Variants in CMYA5 observed in about 807,000 individuals in gnomAD.
The protein encoded by CMYA5 is cardiomyopathy associated 5.
In CMYA5, 246 loss-of-function variants were observed where a neutral mutation model predicts 318.9. The observed-to-expected ratio is 0.77, with a 90% CI of 0.70 to 0.86. CMYA5 has a LOEUF of 0.86. CMYA5 is among the 40% of genes least tolerant of loss of function. The pLI is 0.00. For synonymous variants in CMYA5, 1,641 were observed against 1,729.5 expected (o/e 0.95, Z 1.27); for missense variants, 4,589 against 4,678.2 (o/e 0.98, Z 0.56).
intron 5 of CMYA5, among the ~76,000 whole-genome samples, chr5:79,750,279 A>T (rs1828405859): frequency 6.6e-6 from 1 of 152,162 alleles, no homozygotes; most frequent in African/African-American, 2.4e-5. Flanking sequence ...CAGTACTGTA[A>T]GTGTATTTTC....
In CMYA5 at chr5:79,799,859, CTTT is replaced by C; in HGVS notation, c.*244_*246del. The C allele has an allele frequency of 1.6e-5, 3 of 191,150 alleles. No individual in the cohort carries two copies. The highest frequency in any genetic ancestry group is 2.8e-5 in the Non-Finnish European group (3 of 105,600). 11.8% of individuals were successfully genotyped at this position (191,150 alleles called of 1,614,324 possible). ...TCTTTAGTTTATATAAGTTTGAGTT[CTTT>C]CCTAAATTAAAAGATCTACACTTGA... On this transcript the variant is annotated 3_prime_UTR_variant, in exon 13 of 13. Coordinates refer to ENST00000446378, the MANE Select transcript of CMYA5 (RefSeq NM_153610.5).
Position 79,733,432 on chromosome 5 carries a change from A to T in CMYA5, c.4667A>T (p.His1556Leu). ...SSQNVSPASK[H>L]IIPKGKDEET... The stretch of plus-strand genomic sequence containing the variant: ...CAAAATGTGTCACCTGCATCCAAAC[A>T]TATAATCCCAAAAGGCAAAGATGAG... Residue 1556 changes from histidine to leucine, a missense_variant, in exon 2 of 13, where the codon CAT (histidine) becomes CTT (leucine). Physicochemically the swap from His to Leu is moderately conservative, Grantham distance 99 (BLOSUM62 -3). Around this residue, in one of 3 missense-constraint regions of CMYA5, gnomAD observed 2,132 missense variants for 2,131.3 expected, o/e 1.00. Transcript: ENST00000446378. 6.2e-7 allele frequency: 1 copy of T among 1,613,878 alleles called. No homozygotes were observed. Among genetic ancestry groups the T allele is most frequent in the Non-Finnish European group, 8.5e-7 (1 of 1,179,840 alleles).
chr5:79,707,412 A>G (rs1827295125), intron 1 of CMYA5, among the ~76,000 whole-genome samples: 1 of 152,240 alleles, frequency 6.6e-6, no homozygotes, highest in African/African-American at 2.4e-5. Flanking sequence ...ATGATGATGA[A>G]TCAATGAATT....
chr5:79,721,813 G>T (rs958076191), intron 1 of CMYA5, among the ~76,000 whole-genome samples: 10 of 152,038 alleles, frequency 6.6e-5, no homozygotes, highest in African/African-American at 1.9e-4. Flanking sequence ...TATTAACATA[G>T]ATTCAAAATG....
At chr5:79,773,082 T>A (rs1194595665) in intron 9 of CMYA5, among the ~76,000 whole-genome samples, 1 of 152,212 alleles carries the variant, frequency 6.6e-6, no homozygotes, top group East Asian at 1.9e-4. Context: ...AGTTACTTGG[T>A]CTCTGAGAAA....
rs758083273 is a variant in CMYA5, at chr5:79,737,328, A to G, written c.8563A>G (p.Lys2855Glu). The stretch of plus-strand genomic sequence containing the variant: ...TACAGTTCATACTATTCAGACATCT[A>G]AAGATGACACATCCGATGTGCCTAA... ...RHTVHTIQTS[K>E]DDTSDVPKQS... is the part of the protein sequence containing the mutation. The change falls in exon 2 of 13, where the codon AAA (lysine) becomes GAA (glutamate). Residue 2855 changes from lysine (K) to glutamate (E), a missense_variant. Physicochemically the swap from Lys to Glu is moderately conservative, Grantham distance 56 (BLOSUM62 1). Transcript: ENST00000446378. 6.2e-7 allele frequency: 1 copy of G among 1,613,836 alleles called. No homozygotes were observed. Among genetic ancestry groups the G allele is most frequent in the Admixed American group, 1.7e-5 (1 of 60,006 alleles).
At chr5:79,788,466 ATTT>A (rs3061542) in intron 9 of CMYA5, among the ~76,000 whole-genome samples, 147 of 139,632 alleles carry the variant, frequency 1.1e-3, no homozygotes, top group African/African-American at 2.0e-3. Flanking sequence ...AACTTTGAGA[ATTT>A]TTTTTTTTTT....
chr5:79,786,192 A>T (rs1829078840), intron 9 of CMYA5, among the ~76,000 whole-genome samples: 1 of 152,092 alleles, frequency 6.6e-6, no homozygotes, highest in Non-Finnish European at 1.5e-5. Context: ...GCTCCACTGG[A>T]GCTTATCATC....
At position 79,730,742 on chromosome 5, in the gene CMYA5, GAAGAC is replaced by G; in HGVS notation, c.1978_1982del (p.Lys660PhefsTer38). The G allele has an allele frequency of 6.2e-7, 1 of 1,613,280 alleles. No individual in the cohort carries two copies. ...GCTCTCTCTCACCATCCACAACTGA[GAAGAC>G]TTCAGAGAACCAGTCTCCACTGTTT... On this transcript the variant is annotated frameshift_variant, in exon 2 of 13. Coordinates refer to ENST00000446378, the MANE Select transcript of CMYA5 (RefSeq NM_153610.5). LOFTEE classifies it high-confidence loss of function.
intron 4 of CMYA5, 137 bp from the exon 5 acceptor site, chr5:79,746,954 G>A (rs1445211771): frequency 1.7e-6 from 1 of 600,766 alleles, no homozygotes; most frequent in Non-Finnish European, 2.9e-6. Flanking sequence ...GGGAAGCTGA[G>A]GGGTTATGAT....
chr5:79,712,541 A>G (rs1181036830), intron 1 of CMYA5, among the ~76,000 whole-genome samples: 1 of 152,044 alleles, frequency 6.6e-6, no homozygotes, highest in Non-Finnish European at 1.5e-5. Flanking sequence ...AAAATGACAG[A>G]GAAAAAAAAA....
chr5:79,772,116 T>C lies in CMYA5; in HGVS notation c.11555+8907T>C, dbSNP rs1828867530. Among the ~76,000 whole-genome samples the C allele has an allele frequency of 5.4e-5, 8 of 149,460 alleles. No homozygotes were observed. In the Admixed American group the frequency reaches 5.4e-4, roughly 10 times the overall value. On this transcript the variant is annotated intron_variant, in intron 9 of 12. Coordinates refer to ENST00000446378, the MANE Select transcript of CMYA5 (RefSeq NM_153610.5). ...CAGAGAAACCAATGACAGTTCCATT[T>C]GTAGGAAAAAAAAAAGACCATCCAC...
At chr5:79,702,190 G>A (rs574745803) in intron 1 of CMYA5, among the ~76,000 whole-genome samples, 1 of 152,264 alleles carries the variant, frequency 6.6e-6, no homozygotes, top group East Asian at 1.9e-4. Context: ...CAAGGCAGGA[G>A]GATCATTTCC....
intron 2 of CMYA5, among the ~76,000 whole-genome samples, chr5:79,742,108 CTCT>C (rs10531856): frequency 0.33 from 46,132 of 138,930 alleles, 7,929 homozygotes; most frequent in African/African-American, 0.42. Flanking sequence ...CTTTCTTCTT[CTCT>C]TCTTCTTCTT....
At chr5:79,719,517 A>G (rs1300736473) in intron 1 of CMYA5, among the ~76,000 whole-genome samples, 2 of 152,236 alleles carry the variant, frequency 1.3e-5, no homozygotes, top group African/African-American at 2.4e-5. Flanking sequence ...GCTGGTTTAT[A>G]CTAATACAAC....
At chr5:79,765,139 T>G (rs916986419) in intron 9 of CMYA5, among the ~76,000 whole-genome samples, 6 of 152,244 alleles carry the variant, frequency 3.9e-5, no homozygotes, top group Non-Finnish European at 7.3e-5. Flanking sequence ...GTTTAAGTCT[T>G]TAATCCATCT....
chr5:79,743,823 T>G lies in CMYA5; in HGVS notation c.10639-4T>G. On this transcript the variant is annotated splice_region_variant and splice_polypyrimidine_tract_variant and intron_variant, in intron 2 of 12. Coordinates refer to ENST00000446378, the MANE Select transcript of CMYA5 (RefSeq NM_153610.5). ...ACTAAGGATATCTTAATTCTTTTCT[T>G]CAGGTTCAATTAGCAGAATTTCTAG... The G allele has an allele frequency of 6.7e-7, 1 of 1,484,810 alleles. No homozygotes were observed. Among genetic ancestry groups the G allele is most frequent in the Non-Finnish European group, 9.2e-7 (1 of 1,091,500 alleles). 92.0% of individuals were successfully genotyped at this position (1,484,810 alleles called of 1,614,324 possible).
At chr5:79,768,541 C>A (rs1828796792) in intron 9 of CMYA5, among the ~76,000 whole-genome samples, 1 of 152,124 alleles carries the variant, frequency 6.6e-6, no homozygotes, top group Non-Finnish European at 1.5e-5. Flanking sequence ...TTTATTTCTC[C>A]TTTGCTTATG....
At chr5:79,760,187 G>A (rs1433171324) in intron 7 of CMYA5, among the ~76,000 whole-genome samples, 1 of 119,916 alleles carries the variant, frequency 8.3e-6, no homozygotes, top group African/African-American at 3.9e-5. Context: ...TGCTTGGCCT[G>A]CTTTTTTTTT....
Sources: allele counts gnomAD v4.1 joint callset (sites outside exome capture counted in the v4.1 genomes callset), GRCh38; gene constraint gnomAD v4.1.1; regional missense constraint gnomAD v4.1.1; transcripts MANE v1.5; gene names NCBI Gene and HGNC (gene_info 2026-07-23, HGNC 2026-07-21).